The following HIVEP2 variants were observed in gnomAD, a reference collection of about 807,000 sequenced individuals.
HIVEP2 encodes HIVEP zinc finger 2.
HIVEP2 carries 14 observed loss-of-function variants against 180.7 expected under a neutral mutation model. That is an observed-to-expected ratio of 0.08 (90% confidence interval 0.05 to 0.12). HIVEP2 has a LOEUF of 0.12. Ranked by LOEUF, HIVEP2 falls within the 10% of genes least tolerant of loss-of-function variation. The pLI, the probability that HIVEP2 is intolerant of heterozygous loss-of-function variation, is 1.00. For synonymous variants in HIVEP2, 1,184 were observed against 1,136.4 expected, an observed-to-expected ratio of 1.04 and a Z score of -0.84; for missense variants, 2,579 against 3,008.5, an observed-to-expected ratio of 0.86 and a Z score of 3.34.
chr6:142,766,934 G>A (rs197456), intron 6 of HIVEP2, among the ~76,000 whole-genome samples: 18,998 of 152,046 alleles, frequency 0.12, 1,316 homozygotes, highest in Non-Finnish European at 0.15. Context: ...ACAAGGTTTG[G>A]AAAAAACACT....
In HIVEP2 at chr6:142,943,837, C is replaced by T. The variant is rs1475529576; in HGVS notation, c.-641+1262G>A. Among the ~76,000 whole-genome samples the T allele has an allele frequency of 1.3e-5, 2 of 152,196 alleles. No individual in the cohort carries two copies. ...TTCCTGTGTGAATGCTAAGCCATTA[C>T]AGGTGTCCTAAGGCCTCCAGTGAAA... On this transcript the variant is annotated intron_variant, in intron 1 of 9. Transcript: ENST00000367603. This position sits in a 1 kb window ranked among gnomAD's most constrained non-coding sequence, Gnocchi z 4.5.
intron 1 of HIVEP2, among the ~76,000 whole-genome samples, chr6:142,908,854 CAAA>C (rs11443809): frequency 1.8e-4 from 16 of 87,854 alleles, no homozygotes; most frequent in Middle Eastern, 6.1e-3. Context: ...TACCACCTCT[CAAA>C]AAAAAAAAAA....
Position 142,774,533 on chromosome 6 carries a change from A to G in HIVEP2, c.206T>C (p.Leu69Pro). Residue 69 changes from leucine (L) to proline (P), a missense_variant, in exon 5 of 10, where the codon CTG becomes CCG. By Grantham distance (98) the Leu-to-Pro change is moderately conservative. Transcript: ENST00000367603. This position sits in a 1 kb window ranked among gnomAD's most constrained non-coding sequence, Gnocchi z 5.1. ...ASAQLFGSGK[L>P]ASPSEVVQQV... ...CTGCACCACTTCACTAGGGGAGGCC[A>G]GTTTCCCAGAACCAAACAGTTGTGC... 1 of 1,614,222 alleles carries G rather than the reference A, an allele frequency of 6.2e-7. No homozygotes were observed. Among genetic ancestry groups the G allele is most frequent in the Non-Finnish European group, 8.5e-7 (1 of 1,180,030 alleles).
chr6:142,777,225 A>G (rs546309929), intron 3 of HIVEP2, among the ~76,000 whole-genome samples: 95 of 152,334 alleles, frequency 6.2e-4, no homozygotes, highest in African/African-American at 2.2e-3. Flanking sequence ...ATGTACAAGA[A>G]CCGCTTAAAT....
intron 1 of HIVEP2, among the ~76,000 whole-genome samples, chr6:142,854,949 G>A (rs73586576): frequency 0.043 from 6,559 of 152,162 alleles, 458 homozygotes; most frequent in African/African-American, 0.15. Context: ...TCCATGACCC[G>A]GGCAAGGAAC....
intron 2 of HIVEP2, among the ~76,000 whole-genome samples, chr6:142,828,879 T>C (rs986305294): frequency 6.6e-6 from 1 of 152,210 alleles, no homozygotes; most frequent in Non-Finnish European, 1.5e-5. Context: ...GATATTAAAT[T>C]GAATCTTTAA....
intron 9 of HIVEP2, among the ~76,000 whole-genome samples, chr6:142,759,041 T>C (rs197464): frequency 0.76 from 115,488 of 151,972 alleles, 44,647 homozygotes; most frequent in African/African-American, 0.91. Context: ...GTGGCTCATG[T>C]CTGTAATCCT....
chr6:142,832,664 G>T (rs1775121494), intron 2 of HIVEP2, among the ~76,000 whole-genome samples: 1 of 152,128 alleles, frequency 6.6e-6, no homozygotes. Context: ...TCTCTATGTG[G>T]GGGATTTTGT....
intron 1 of HIVEP2, among the ~76,000 whole-genome samples, chr6:142,903,927 T>C (rs1777197525): frequency 6.6e-6 from 1 of 152,066 alleles, no homozygotes; most frequent in African/African-American, 2.4e-5. Flanking sequence ...AATAAATCTC[T>C]GAAAACCTTT....
intron 2 of HIVEP2, among the ~76,000 whole-genome samples, chr6:142,791,803 A>G (rs774231706): frequency 6.6e-6 from 1 of 152,234 alleles, no homozygotes; most frequent in Non-Finnish European, 1.5e-5. Flanking sequence ...GTGCATGTGT[A>G]GGATCAAGAC....
intron 1 of HIVEP2, among the ~76,000 whole-genome samples, chr6:142,901,776 A>G (rs1389108106): frequency 6.6e-6 from 1 of 152,162 alleles, no homozygotes; most frequent in African/African-American, 2.4e-5. Context: ...TTCTCCTCCC[A>G]CAGTGCATGC....
At chr6:142,842,671 T>G (rs762603056) in intron 1 of HIVEP2, among the ~76,000 whole-genome samples, 1 of 152,082 alleles carries the variant, frequency 6.6e-6, no homozygotes, top group African/African-American at 2.4e-5. Flanking sequence ...CCTGAAAGAC[T>G]GCAAGATGCC....
At chr6:142,925,812 C>G (rs1430025681) in intron 1 of HIVEP2, among the ~76,000 whole-genome samples, 1 of 152,168 alleles carries the variant, frequency 6.6e-6, no homozygotes, top group Non-Finnish European at 1.5e-5. Flanking sequence ...TTGAGGTTTA[C>G]TAGAAACTAC....
intron 1 of HIVEP2, among the ~76,000 whole-genome samples, chr6:142,856,148 G>A (rs892544606): frequency 6.6e-6 from 1 of 151,998 alleles, no homozygotes; most frequent in Non-Finnish European, 1.5e-5. Context: ...ATCCTGGTAA[G>A]GGGGAAATGG....
intron 1 of HIVEP2, among the ~76,000 whole-genome samples, chr6:142,880,507 A>T (rs1307879914): frequency 2.6e-5 from 4 of 152,256 alleles, no homozygotes; most frequent in East Asian, 3.9e-4. Flanking sequence ...CTTCTCAGGG[A>T]TCATTACTTG....
At chr6:142,873,998 GAC>G (rs923238956) in intron 1 of HIVEP2, among the ~76,000 whole-genome samples, 3 of 152,070 alleles carry the variant, frequency 2.0e-5, no homozygotes, top group African/African-American at 7.2e-5. Flanking sequence ...TACTTAAATT[GAC>G]CCACTGCAAA....
intron 1 of HIVEP2, among the ~76,000 whole-genome samples, chr6:142,933,663 A>G (rs1777988727): frequency 6.6e-6 from 1 of 152,210 alleles, no homozygotes; most frequent in African/African-American, 2.4e-5. Context: ...CCCACCAAAC[A>G]TAGCCAAAAA....
chr6:142,896,078 T>A (rs959450743), intron 1 of HIVEP2, among the ~76,000 whole-genome samples: 350 of 152,324 alleles, frequency 2.3e-3, no homozygotes, highest in African/African-American at 7.5e-3. Flanking sequence ...GAATGTGACC[T>A]TTTTTGAGAT....
rs57458259 is a variant in HIVEP2, at chr6:142,785,309, C to CAAAAAAAAAAAAAAAAAAAAA, written c.-527-1715_-527-1695dup. Among the ~76,000 whole-genome samples, 4 of 65,394 alleles carry CAAAAAAAAAAAAAAAAAAAAA rather than the reference C, an allele frequency of 6.1e-5. 1 individual carries two copies. Among genetic ancestry groups the CAAAAAAAAAAAAAAAAAAAAA allele is most frequent in the African/African-American group, 9.7e-5 (2 of 20,550 alleles). 42.9% of individuals were successfully genotyped at this position (65,394 alleles called of 152,430 possible). On this transcript the variant is annotated intron_variant, in intron 2 of 9. Coordinates refer to ENST00000367603, the MANE Select transcript of HIVEP2 (RefSeq NM_006734.4). ...GGCTAAAGTAAAGCATGGCATTCCT[C>CAAAAAAAAAAAAAAAAAAAAA]AAAAAAAAAAAAAAAAAAAAAAAAA... is the stretch of plus-strand genomic sequence containing the variant.
Sources: gnomAD v4.1 joint callset for allele counts (sites outside exome capture counted in the v4.1 genomes callset) on GRCh38, gnomAD v4.1.1 for gene constraint, Gnocchi (gnomAD v3.1) non-coding constraint, MANE v1.5 for transcripts, NCBI Gene and HGNC (gene_info 2026-07-23, HGNC 2026-07-21) for gene names.